The following THSD7B variants were observed in gnomAD, a reference collection of about 807,000 sequenced individuals.
The protein encoded by THSD7B is thrombospondin type 1 domain containing 7B, also known as thrombospondin type-1 domain-containing protein 7B.
THSD7B carries 138 observed loss-of-function variants against 213.6 expected under a neutral mutation model. The observed-to-expected ratio is 0.65, with a 90% CI of 0.56 to 0.74. The LOEUF (loss-of-function observed/expected upper bound fraction) is 0.74, where lower values mean the gene tolerates loss of function less well. THSD7B is among the 30% of genes least tolerant of loss of function. THSD7B has a pLI of 0.00. For synonymous variants in THSD7B, 742 were observed against 687.0 expected (o/e 1.08, Z -1.25); for missense variants, 1,931 against 1,991.5 (o/e 0.97, Z 0.58).
intron 4 of THSD7B, among the ~76,000 whole-genome samples, chr2:137,106,814 A>T (rs772383121): frequency 1.8e-4 from 27 of 152,250 alleles, no homozygotes; most frequent in Non-Finnish European, 3.2e-4. Context: ...TGGTCATTAG[A>T]GAAATGCAAA....
At chr2:137,675,403 C>CAT (rs55940004) in intron 27 of THSD7B, among the ~76,000 whole-genome samples, 2,375 of 115,128 alleles carry the variant, frequency 0.021, 28 homozygotes, top group African/African-American at 0.023. Flanking sequence ...AAATGAATGC[C>CAT]ATATATATAT....
At chr2:137,356,228 C>T (rs941705133) in intron 12 of THSD7B, among the ~76,000 whole-genome samples, 3 of 152,148 alleles carry the variant, frequency 2.0e-5, no homozygotes, top group Admixed American at 6.5e-5. Flanking sequence ...TATGTATCCA[C>T]GTACCAGGGC....
chr2:136,904,241 C>T (rs954491943), intron 2 of THSD7B, among the ~76,000 whole-genome samples: 3 of 152,078 alleles, frequency 2.0e-5, no homozygotes, highest in African/African-American at 7.2e-5. Flanking sequence ...CTGGCAGTGG[C>T]AGAGGTAACC....
At chr2:136,819,902 G>A (rs754124116) in intron 1 of THSD7B, among the ~76,000 whole-genome samples, 1 of 151,952 alleles carries the variant, frequency 6.6e-6, no homozygotes, top group Non-Finnish European at 1.5e-5. Context: ...AAACATACTA[G>A]GCACCTCAGG....
chr2:137,605,825 C>T (rs549530774), intron 17 of THSD7B, among the ~76,000 whole-genome samples: 9 of 151,860 alleles, frequency 5.9e-5, no homozygotes, highest in Admixed American at 3.3e-4. Flanking sequence ...CTTGCCACCA[C>T]GCCCAGCTAA....
intron 21 of THSD7B, among the ~76,000 whole-genome samples, chr2:137,652,268 C>T (rs1317781928): frequency 6.6e-6 from 1 of 152,034 alleles, no homozygotes; most frequent in Non-Finnish European, 1.5e-5. Flanking sequence ...ATTACAGTTG[C>T]TATATCCTCT....
At chr2:137,659,604 C>A in intron 24 of THSD7B, 60 bp from the exon 25 acceptor site, 1 of 1,484,786 alleles carries the variant, frequency 6.7e-7, no homozygotes, top group South Asian at 1.3e-5. Flanking sequence ...AAAAAAATAC[C>A]AAAAAATTAG....
At chr2:137,360,823 A>G (rs975796174) in intron 12 of THSD7B, among the ~76,000 whole-genome samples, 1 of 152,208 alleles carries the variant, frequency 6.6e-6, no homozygotes, top group Non-Finnish European at 1.5e-5. Flanking sequence ...GCAGACTTAA[A>G]CATCCTTGTC....
chr2:136,910,587 G>A (rs979531021), intron 2 of THSD7B, among the ~76,000 whole-genome samples: 1 of 152,162 alleles, frequency 6.6e-6, no homozygotes, highest in Non-Finnish European at 1.5e-5. Flanking sequence ...TGAATGTTAT[G>A]AAAATATGTC....
chr2:137,147,043 T>C (rs754828379), intron 5 of THSD7B, among the ~76,000 whole-genome samples: 15 of 152,166 alleles, frequency 9.9e-5, no homozygotes, highest in Non-Finnish European at 2.1e-4. Flanking sequence ...TTATAAAGTA[T>C]AAATCCTTGT....
intron 12 of THSD7B, among the ~76,000 whole-genome samples, chr2:137,311,500 C>T (rs1438683269): frequency 6.6e-6 from 1 of 151,992 alleles, no homozygotes; most frequent in East Asian, 1.9e-4. Flanking sequence ...CCTTTATTTC[C>T]TTCTCCTCCC....
At chr2:137,327,844 C>A (rs1463447427) in intron 12 of THSD7B, among the ~76,000 whole-genome samples, 1 of 152,192 alleles carries the variant, frequency 6.6e-6, no homozygotes, top group Non-Finnish European at 1.5e-5. Flanking sequence ...AAGCTGTCAA[C>A]ATCCACAGAT....
At chr2:137,222,637 T>C (rs2889089) in intron 7 of THSD7B, among the ~76,000 whole-genome samples, 90,807 of 152,026 alleles carry the variant, frequency 0.6, 27,543 homozygotes, top group South Asian at 0.71. Context: ...CTGGAAAAAT[T>C]TGGATAATTA....
intron 15 of THSD7B, among the ~76,000 whole-genome samples, chr2:137,514,890 G>A (rs1359307622): frequency 3.3e-5 from 5 of 152,168 alleles, no homozygotes; most frequent in Non-Finnish European, 7.3e-5. Context: ...TTGGTTGGTT[G>A]CTCCTAAGTT....
chr2:137,233,621 A>T (rs1457113957), intron 9 of THSD7B, among the ~76,000 whole-genome samples: 1 of 152,152 alleles, frequency 6.6e-6, no homozygotes, highest in African/African-American at 2.4e-5. Flanking sequence ...TTACAATCTC[A>T]TGCATGTTAT....
chr2:137,423,541 T>C (rs1206833607), intron 14 of THSD7B, among the ~76,000 whole-genome samples: 1 of 151,982 alleles, frequency 6.6e-6, no homozygotes, highest in Non-Finnish European at 1.5e-5. Flanking sequence ...TCATTTATAA[T>C]AGCATCAAAA....
chr2:137,027,279 A>G (rs1476770343), intron 2 of THSD7B, among the ~76,000 whole-genome samples: 1 of 152,092 alleles, frequency 6.6e-6, no homozygotes, highest in Non-Finnish European at 1.5e-5. Context: ...CAGTCTAGGG[A>G]AGGTCTTTCT....
chr2:137,518,966 G>A (rs1391906887), intron 15 of THSD7B, among the ~76,000 whole-genome samples: 1 of 152,154 alleles, frequency 6.6e-6, no homozygotes, highest in African/African-American at 2.4e-5. Context: ...AGGGGAAAGG[G>A]GCTGGGCACG....
chr2:137,231,227 C>CT lies in THSD7B; in HGVS notation c.1908dup (p.Gly637TrpfsTer10). On this transcript the variant is annotated frameshift_variant, in exon 8 of 28. Coordinates refer to ENST00000409968, the MANE Select transcript of THSD7B (RefSeq NM_001316349.2). LOFTEE classifies it high-confidence loss of function. ...AGGTCAAGAACTATCCTGGCACTGG[C>CT]TGGGGAAGGTGAGTAACAGAAAAGG... The CT allele has an allele frequency of 6.2e-7, 1 of 1,607,448 alleles. No homozygotes were observed. The highest frequency in any genetic ancestry group is 8.5e-7 in the Non-Finnish European group (1 of 1,176,336).
Sources: allele counts gnomAD v4.1 joint callset (sites outside exome capture counted in the v4.1 genomes callset), GRCh38; gene constraint gnomAD v4.1.1; transcripts MANE v1.5; gene names NCBI Gene and HGNC (gene_info 2026-07-23, HGNC 2026-07-21).